LOC112694756: variants seen among roughly 807,000 people sequenced by gnomAD.
chr16:30,070,349 G>A, the LOC112694756 span: 14 of 770,980 alleles, frequency 1.8e-5, no homozygotes, highest in Non-Finnish European at 2.7e-5. Flanking sequence ...GTGTGGTGTC[G>A]TCTGTGAATG....
chr16:30,065,346 C>T, the LOC112694756 span, among the ~76,000 whole-genome samples: 4 of 152,192 alleles, frequency 2.6e-5, no homozygotes, highest in Non-Finnish European at 5.9e-5. Flanking sequence ...CCGCGAAGAC[C>T]GGAAGCTGGG....
chr16:30,067,161 AG>A, the LOC112694756 span: 1 of 1,603,024 alleles, frequency 6.2e-7, no homozygotes, highest in African/African-American at 1.3e-5. Context: ...CCTCCAGGAG[AG>A]GGGCCCTGGT....
At chr16:30,065,802 G>C in the LOC112694756 span, 1 of 152,756 alleles carries the variant, frequency 6.5e-6, no homozygotes, top group Admixed American at 6.5e-5. Context: ...AATCGGCTGC[G>C]TTCCTCTCGG....
chr16:30,064,479 C>T, the LOC112694756 span: 1 of 398,594 alleles, frequency 2.5e-6, no homozygotes, highest in African/African-American at 2.1e-5. Context: ...TCTGGATTTC[C>T]AAGGAAGAAT....
chr16:30,069,708 A>G, the LOC112694756 span: 5 of 1,612,672 alleles, frequency 3.1e-6, no homozygotes, highest in Non-Finnish European at 4.2e-6. Context: ...TCTATGCAGT[A>G]GATAAGCTCC....
At chr16:30,063,934 C>T in the LOC112694756 span, 2 of 399,082 alleles carry the variant, frequency 5.0e-6, no homozygotes, top group South Asian at 1.3e-4. Flanking sequence ...CCACTGGAAC[C>T]ACAGATGGCC....
chr16:30,058,509 G>A, the LOC112694756 span, among the ~76,000 whole-genome samples: 132 of 146,378 alleles, frequency 9.0e-4, no homozygotes, highest in African/African-American at 3.2e-3. Context: ...TTTTTGAGAC[G>A]GAGTCTTGTT....
the LOC112694756 span, among the ~76,000 whole-genome samples, chr16:30,062,787 T>C: frequency 7.0e-6 from 1 of 142,474 alleles, no homozygotes; most frequent in African/African-American, 2.6e-5. Flanking sequence ...TTGCAGTGAG[T>C]GGAGATCACG....
chr16:30,063,015 C>T, the LOC112694756 span, among the ~76,000 whole-genome samples: 3 of 151,700 alleles, frequency 2.0e-5, no homozygotes, highest in African/African-American at 7.3e-5. Context: ...TGTGGTGGCT[C>T]ACGCCTGTAG....
chr16:30,067,218 T>C, the LOC112694756 span: 5 of 1,612,050 alleles, frequency 3.1e-6, no homozygotes, highest in Non-Finnish European at 8.5e-7. Flanking sequence ...CCTTCCCCTC[T>C]GTTTCCTGTA....
At chr16:30,065,139 G>A in the LOC112694756 span, among the ~76,000 whole-genome samples, 2 of 152,224 alleles carry the variant, frequency 1.3e-5, 1 homozygote, top group Admixed American at 1.3e-4. Context: ...GAACTCGGAT[G>A]GGGAGGTCTC....
the LOC112694756 span, among the ~76,000 whole-genome samples, chr16:30,058,368 C>G: frequency 2.6e-5 from 4 of 152,116 alleles, no homozygotes; most frequent in Non-Finnish European, 4.4e-5. Context: ...CTGAGGCTTA[C>G]GGAGGTTGGA....
the LOC112694756 span, chr16:30,068,729 G>C: frequency 6.2e-7 from 1 of 1,614,204 alleles, no homozygotes; most frequent in Non-Finnish European, 8.5e-7. Context: ...TCTGCCCTAC[G>C]AACCCAACCA....
chr16:30,058,484 T>C, the LOC112694756 span, among the ~76,000 whole-genome samples: 1 of 150,716 alleles, frequency 6.6e-6, no homozygotes, highest in East Asian at 2.0e-4. Flanking sequence ...TCTTTTTTTT[T>C]TCTTTTTTCT....
At chr16:30,065,479 A>G in the LOC112694756 span, among the ~76,000 whole-genome samples, 1 of 152,118 alleles carries the variant, frequency 6.6e-6, no homozygotes, top group Non-Finnish European at 1.5e-5. Flanking sequence ...ATTCTGGCTG[A>G]GTCACGGCGC....
At chr16:30,064,631 T>C in the LOC112694756 span, 1 of 395,586 alleles carries the variant, frequency 2.5e-6, no homozygotes, top group African/African-American at 2.1e-5. Flanking sequence ...TATAGGTCCC[T>C]GCCAGAGGAT....
the LOC112694756 span, chr16:30,067,518 C>G: frequency 4.3e-6 from 7 of 1,613,902 alleles, no homozygotes; most frequent in Non-Finnish European, 5.9e-6. Context: ...CTTCTACCGC[C>G]AGCTGCTGCT....
At chr16:30,057,466 T>G in the LOC112694756 span, among the ~76,000 whole-genome samples, 1 of 152,062 alleles carries the variant, frequency 6.6e-6, no homozygotes, top group African/African-American at 2.4e-5. Context: ...TTAAAGATGT[T>G]AAATGTAATC....
the LOC112694756 span, among the ~76,000 whole-genome samples, chr16:30,063,058 T>A: frequency 6.6e-6 from 1 of 151,878 alleles, no homozygotes; most frequent in East Asian, 1.9e-4. Context: ...GCAGAACTAC[T>A]TGAACCCAGG....
Sources: allele counts gnomAD v4.1 joint callset (sites outside exome capture counted in the v4.1 genomes callset), GRCh38; gene constraint gnomAD v4.1.1; transcripts MANE v1.5.